The following NRXN1 variants were observed in gnomAD, a reference collection of about 807,000 sequenced individuals.
NRXN1 encodes neurexin 1, also known as neurexin-1.
A neutral mutation model predicts 150.9 loss-of-function variants in NRXN1; 39 were observed. That is an observed-to-expected ratio of 0.26 (90% CI 0.20 to 0.34). The LOEUF (loss-of-function observed/expected upper bound fraction) is 0.34. NRXN1 is among the 10% of genes least tolerant of loss of function. The pLI is 1.00. For missense variants in NRXN1, 1,815 were observed against 1,949.9 expected (o/e 0.93, Z 1.30); for synonymous variants, 924 against 757.0 (o/e 1.22, Z -3.62).
intron 17 of NRXN1, among the ~76,000 whole-genome samples, chr2:50,270,645 A>G (rs1314364995): frequency 6.6e-6 from 1 of 151,272 alleles, no homozygotes; most frequent in East Asian, 1.9e-4. Context: ...CAAATTATAT[A>G]TTTATATGTA....
rs1264391479 is a variant in NRXN1 at position 51,028,422 on chromosome 2, C to G, written c.-149G>C. 2.1e-6 allele frequency: 1 copy of G among 482,792 alleles called. No homozygotes were observed. The highest frequency in any genetic ancestry group is 2.0e-5 in the African/African-American group (1 of 50,154). 29.9% of individuals were successfully genotyped at this position (482,792 alleles called of 1,614,324 possible). On this transcript the variant is annotated 5_prime_UTR_variant, in exon 2 of 23. Coordinates refer to ENST00000401669, the MANE Select transcript of NRXN1 (RefSeq NM_001330078.2). ...GGGATGTGCCCTCCTTTATCTAGTT[C>G]TTTTTTTCTTCTTCTTCTTCCAATA...
intron 17 of NRXN1, among the ~76,000 whole-genome samples, chr2:50,331,298 A>C (rs1362468771): frequency 6.6e-6 from 1 of 152,194 alleles, no homozygotes; most frequent in African/African-American, 2.4e-5. Context: ...AAAAATACAA[A>C]GAAACAACTT....
At chr2:50,541,111 C>T (rs772661113) in intron 9 of NRXN1, among the ~76,000 whole-genome samples, 5 of 152,108 alleles carry the variant, frequency 3.3e-5, no homozygotes, top group South Asian at 2.1e-4. Context: ...TTAGGAGACA[C>T]GGAACTTAGC....
At chr2:50,316,626 T>A (rs2075629241) in intron 17 of NRXN1, among the ~76,000 whole-genome samples, 1 of 152,036 alleles carries the variant, frequency 6.6e-6, no homozygotes, top group Admixed American at 6.6e-5. Context: ...AACCCACTCT[T>A]AAAGGTTATG....
chr2:50,760,172 A>G (rs1488547144), intron 5 of NRXN1, among the ~76,000 whole-genome samples: 1 of 151,908 alleles, frequency 6.6e-6, no homozygotes, highest in African/African-American at 2.4e-5. Context: ...TCAAGTTGGT[A>G]CTCAATATTC....
chr2:50,637,555 T>A (rs556119891), intron 5 of NRXN1: 1 of 152,350 alleles, frequency 6.6e-6, no homozygotes, highest in East Asian at 1.9e-4. Context: ...CCACGAATTC[T>A]TGGAGAGGAA....
chr2:50,891,706 C>G (rs1681090540), intron 5 of NRXN1, among the ~76,000 whole-genome samples: 5 of 152,060 alleles, frequency 3.3e-5, no homozygotes. Context: ...AAAAAACTTA[C>G]TTTTCCTCAG....
chr2:50,213,615 G>A (rs1320098270), intron 18 of NRXN1, among the ~76,000 whole-genome samples: 1 of 151,774 alleles, frequency 6.6e-6, no homozygotes, highest in Non-Finnish European at 1.5e-5. Context: ...GACCTCTTGA[G>A]GTAGCCCATT....
intron 18 of NRXN1, among the ~76,000 whole-genome samples, chr2:50,206,887 C>G (rs1278380937): frequency 6.7e-6 from 1 of 149,742 alleles, no homozygotes; most frequent in Admixed American, 6.7e-5. Context: ...GGGCAGTACA[C>G]ACACACACAC....
chr2:50,522,719 CA>C (rs1352025035), intron 12 of NRXN1, among the ~76,000 whole-genome samples: 1,673 of 86,364 alleles, frequency 0.019, 546 homozygotes, highest in African/African-American at 0.094. Flanking sequence ...TATTTTTATT[CA>C]TTTTTTTTTT....
At chr2:50,886,670 T>A (rs1680297997) in intron 5 of NRXN1, among the ~76,000 whole-genome samples, 1 of 151,398 alleles carries the variant, frequency 6.6e-6, no homozygotes, top group South Asian at 2.1e-4. Context: ...GTGGGAGTGT[T>A]TGTGTGAAAC....
chr2:50,410,941 T>A (rs1018689413), intron 17 of NRXN1, among the ~76,000 whole-genome samples: 14 of 152,242 alleles, frequency 9.2e-5, no homozygotes, highest in Non-Finnish European at 1.9e-4. Context: ...TGTGTTAAGT[T>A]ATATCTGAAC....
At chr2:50,057,138 G>A in intron 19 of NRXN1, among the ~76,000 whole-genome samples, 1 of 151,968 alleles carries the variant, frequency 6.6e-6, no homozygotes, top group East Asian at 1.9e-4. Flanking sequence ...ATTTCTCTTA[G>A]GATAAAATCT....
At chr2:49,974,147 C>T (rs752047990) in intron 21 of NRXN1, 2 of 713,554 alleles carry the variant, frequency 2.8e-6, no homozygotes, top group South Asian at 3.0e-5. Flanking sequence ...ATTGCCTGCG[C>T]ATCAGCCCGG....
chr2:50,723,341 T>C (rs1286648669), intron 5 of NRXN1, among the ~76,000 whole-genome samples: 1 of 152,212 alleles, frequency 6.6e-6, no homozygotes, highest in East Asian at 1.9e-4. Context: ...TTTGAAGAAC[T>C]ATTATTCAAA....
At chr2:50,307,822 T>TA (rs1156997649) in intron 17 of NRXN1, among the ~76,000 whole-genome samples, 12 of 152,162 alleles carry the variant, frequency 7.9e-5, no homozygotes, top group African/African-American at 2.7e-4. Flanking sequence ...AGCTCTGGAA[T>TA]AGTTGTATGA....
intron 1 of NRXN1, among the ~76,000 whole-genome samples, chr2:51,030,799 G>A (rs941632299): frequency 1.3e-5 from 2 of 152,076 alleles, no homozygotes; most frequent in Middle Eastern, 6.8e-3. Context: ...TAAATTTTCA[G>A]TCATTTGCAA....
chr2:50,074,479 A>AT (rs1410772599), intron 19 of NRXN1, among the ~76,000 whole-genome samples: 1 of 152,146 alleles, frequency 6.6e-6, no homozygotes, highest in Non-Finnish European at 1.5e-5. Flanking sequence ...AATGGGGATA[A>AT]TTTATGAGGT....
At chr2:50,283,406 T>C (rs529112905) in intron 17 of NRXN1, among the ~76,000 whole-genome samples, 1 of 152,330 alleles carries the variant, frequency 6.6e-6, no homozygotes, top group African/African-American at 2.4e-5. Context: ...AAATTGAATC[T>C]GCTGCCTTTC....
Sources: gnomAD v4.1 joint callset for allele counts (sites outside exome capture counted in the v4.1 genomes callset) on GRCh38, gnomAD v4.1.1 for gene constraint, MANE v1.5 for transcripts, NCBI Gene and HGNC (gene_info 2026-07-23, HGNC 2026-07-21) for gene names.